Variants in PPHLN1 observed in about 807,000 individuals in gnomAD.
PPHLN1 encodes the protein periphilin 1.
PPHLN1 carries 29 observed loss-of-function variants against 51.3 expected under a neutral mutation model. The ratio of observed to expected loss-of-function variants is 0.57; its 90% CI spans 0.42 to 0.77. The LOEUF is 0.77. Ranked by LOEUF, PPHLN1 falls within the 30% of genes least tolerant of loss-of-function variation. The pLI is 0.00. For synonymous variants in PPHLN1, 147 were observed against 147.8 expected, an observed-to-expected ratio of 0.99 and a Z score of 0.04; for missense variants, 436 against 438.4, an observed-to-expected ratio of 0.99 and a Z score of 0.05.
intron 4 of PPHLN1, among the ~76,000 whole-genome samples, chr12:42,369,943 A>G (rs1027130700): frequency 6.6e-6 from 1 of 152,184 alleles, no homozygotes; most frequent in African/African-American, 2.4e-5. Flanking sequence ...CTGCCTCTGT[A>G]TCGTGATTTA....
intron 9 of PPHLN1, among the ~76,000 whole-genome samples, chr12:42,413,069 T>C (rs907679534): frequency 3.9e-5 from 6 of 152,228 alleles, no homozygotes; most frequent in African/African-American, 4.8e-5. Context: ...TTCTGTGAGT[T>C]GTTTCCTCTG....
intron 1 of PPHLN1, among the ~76,000 whole-genome samples, chr12:42,332,379 A>G (rs1010540910): frequency 6.6e-6 from 1 of 152,168 alleles, no homozygotes; most frequent in Non-Finnish European, 1.5e-5. Context: ...ATCTAGTACA[A>G]TCTCAGAGAT....
intron 9 of PPHLN1, among the ~76,000 whole-genome samples, chr12:42,403,390 A>T (rs1592756873): frequency 6.6e-6 from 1 of 152,334 alleles, no homozygotes; most frequent in Admixed American, 6.5e-5. Flanking sequence ...ATTTATTTTG[A>T]CCAAATTTCA....
intron 6 of PPHLN1, among the ~76,000 whole-genome samples, chr12:42,386,500 A>G (rs1022320099): frequency 3.9e-5 from 6 of 152,186 alleles, no homozygotes; most frequent in Non-Finnish European, 5.9e-5. Context: ...GCTTTGCCTC[A>G]GTTTCAAAGT....
chr12:42,427,982 A>G (rs1266330592), intron 9 of PPHLN1, among the ~76,000 whole-genome samples: 2 of 152,192 alleles, frequency 1.3e-5, no homozygotes, highest in African/African-American at 4.8e-5. Flanking sequence ...AAGACATACA[A>G]ATGGCCAAAA....
At position 42,415,744 on chromosome 12, in the gene PPHLN1, A is replaced by G. The variant is rs549079230; in HGVS notation, c.909+16750A>G. Among the ~76,000 whole-genome samples, 3 of 152,352 alleles carry G rather than the reference A, an allele frequency of 2.0e-5. No individual in the cohort carries two copies. The East Asian group carries it at 5.8e-4, about 29-fold the overall frequency. On this transcript the variant is annotated intron_variant, in intron 9 of 9. Transcript: ENST00000358314. ...TGTGTTTCCAAAGTTTTTGACTTTT[A>G]AAAGAATGTGTTTCTAAATTTTTTG...
chr12:42,369,565 A>G (rs1318870088), intron 4 of PPHLN1, among the ~76,000 whole-genome samples: 1 of 152,128 alleles, frequency 6.6e-6, no homozygotes, highest in South Asian at 2.1e-4. Context: ...TTTAACATAT[A>G]TTATTTTGTT....
At chr12:42,340,143 C>CA (rs563098932) in intron 2 of PPHLN1, among the ~76,000 whole-genome samples, 3 of 151,550 alleles carry the variant, frequency 2.0e-5, no homozygotes, top group African/African-American at 7.3e-5. Context: ...CCTGTCTCTA[C>CA]AAAAAATTTT....
intron 9 of PPHLN1, among the ~76,000 whole-genome samples, chr12:42,438,677 C>A (rs1448867476): frequency 6.6e-6 from 1 of 152,176 alleles, no homozygotes; most frequent in Non-Finnish European, 1.5e-5. Context: ...TCTCAGCTCA[C>A]CGCAACCCCT....
At chr12:42,332,211 G>C (rs1424441387) in intron 1 of PPHLN1, among the ~76,000 whole-genome samples, 1 of 152,050 alleles carries the variant, frequency 6.6e-6, no homozygotes, top group African/African-American at 2.4e-5. Flanking sequence ...CTAAGGAAAA[G>C]AAAGAAAAAG....
At chr12:42,354,366 A>G (rs1409992725) in intron 3 of PPHLN1, among the ~76,000 whole-genome samples, 1 of 151,948 alleles carries the variant, frequency 6.6e-6, no homozygotes, top group Non-Finnish European at 1.5e-5. Flanking sequence ...CTATAGGTGC[A>G]CGCCACCGTG....
At chr12:42,446,226 C>T, downstream of PPHLN1, 4 of 1,612,716 alleles carry the variant, frequency 2.5e-6, no homozygotes, top group South Asian at 2.2e-5. Context: ...CGAACACAGA[C>T]ACCATTCACT....
At chr12:42,403,063 G>C (rs2078978546) in intron 9 of PPHLN1, among the ~76,000 whole-genome samples, 1 of 152,172 alleles carries the variant, frequency 6.6e-6, no homozygotes. Flanking sequence ...AGCATATGAT[G>C]CATTCCAATG....
intron 2 of PPHLN1, among the ~76,000 whole-genome samples, chr12:42,341,801 T>G (rs536470818): frequency 6.6e-6 from 1 of 152,212 alleles, no homozygotes; most frequent in East Asian, 1.9e-4. Context: ...TTTTGTATTT[T>G]TGGTAGAGAC....
intron 9 of PPHLN1, among the ~76,000 whole-genome samples, chr12:42,431,170 C>T (rs1056169848): frequency 1.3e-5 from 2 of 152,156 alleles, no homozygotes; most frequent in African/African-American, 4.8e-5. Flanking sequence ...AGATTTTTCT[C>T]TATAAAGCAT....
At chr12:42,404,107 A>G (rs918279029) in intron 9 of PPHLN1, among the ~76,000 whole-genome samples, 1 of 152,030 alleles carries the variant, frequency 6.6e-6, no homozygotes, top group African/African-American at 2.4e-5. Context: ...AGAATTGACA[A>G]CCTATTATAT....
downstream of PPHLN1, chr12:42,445,294 A>C (rs1352100088): frequency 1.7e-6 from 1 of 585,100 alleles, no homozygotes; most frequent in Middle Eastern, 4.5e-4. Context: ...AACTTAACTA[A>C]ACAATGTCAA....
Position 42,366,165 on chromosome 12 carries a change from A to C in PPHLN1, c.300-8698A>C, listed in dbSNP as rs75302156. On this transcript the variant is annotated intron_variant, in intron 4 of 9. Transcript: ENST00000358314. Reference sequence around the variant, plus strand: ...TTAAAATCGAGATGATACTTGCACAAAGAAAATTATACTAGTTGATACTGA... The same window carrying C: ...TTAAAATCGAGATGATACTTGCACACAGAAAATTATACTAGTTGATACTGA... 7.2e-3 allele frequency among the ~76,000 whole-genome samples: 1,089 copies of C among 152,272 alleles called. 42 individuals are homozygous for C. The East Asian group carries it at 0.089, about 13-fold the overall frequency.
intron 4 of PPHLN1, among the ~76,000 whole-genome samples, chr12:42,358,845 T>A (rs1442283369): frequency 2.0e-5 from 3 of 152,086 alleles, no homozygotes; most frequent in African/African-American, 7.3e-5. Flanking sequence ...AGTACTTTAG[T>A]TTTTACGAGA....
Sources: gnomAD v4.1 joint callset for allele counts (sites outside exome capture counted in the v4.1 genomes callset) on GRCh38, gnomAD v4.1.1 for gene constraint, MANE v1.5 for transcripts, NCBI Gene and HGNC (gene_info 2026-07-23, HGNC 2026-07-21) for gene names.